Variants in CNTN5 observed in about 807,000 individuals in gnomAD.
CNTN5 encodes contactin-5.
Under a neutral mutation model 129.1 loss-of-function variants are expected in CNTN5, and 77 were observed. The ratio of observed to expected loss-of-function variants is 0.60; its 90% CI spans 0.50 to 0.72. The LOEUF (loss-of-function observed/expected upper bound fraction) is 0.72. Among genes scored for constraint, CNTN5 ranks in the 30% least tolerant of loss-of-function variants. The pLI is 0.00. For missense variants in CNTN5, 1,478 were observed against 1,328.8 expected, an observed-to-expected ratio of 1.11 and a Z score of -1.75; for synonymous variants, 509 against 465.6, an observed-to-expected ratio of 1.09 and a Z score of -1.20.
At chr11:99,751,099 G>A (rs1944218638) in intron 3 of CNTN5, among the ~76,000 whole-genome samples, 1 of 152,190 alleles carries the variant, frequency 6.6e-6, no homozygotes, top group Non-Finnish European at 1.5e-5. Context: ...CACTTTGGGA[G>A]GCTGAGGCAG....
At chr11:99,265,793 T>A (rs1303368562) in intron 1 of CNTN5, among the ~76,000 whole-genome samples, 1 of 152,064 alleles carries the variant, frequency 6.6e-6, no homozygotes, top group Non-Finnish European at 1.5e-5. Flanking sequence ...TTACTATTTA[T>A]TGAATGAAAT....
In CNTN5 at chr11:99,553,639, T is replaced by A. The variant is rs1494468; in HGVS notation, c.-70-2506T>A. Among the ~76,000 whole-genome samples the A allele has an allele frequency of 4.9e-3, 741 of 152,126 alleles. 37 individuals are homozygous for A. The East Asian group carries it at 0.11, about 23-fold the overall frequency. ...CAGATGTCTCATCATAAAAATATGA[T>A]ACGTAAGTGAGGTGATGGATATCTT... On this transcript the variant is annotated intron_variant, in intron 2 of 24. Coordinates refer to ENST00000524871, the MANE Select transcript of CNTN5 (RefSeq NM_014361.4).
intron 3 of CNTN5, among the ~76,000 whole-genome samples, chr11:99,562,483 G>A (rs188290612): frequency 5.9e-5 from 9 of 151,978 alleles, no homozygotes; most frequent in South Asian, 2.1e-4. Context: ...CTCTACATTC[G>A]TTACAAATAA....
intron 6 of CNTN5, among the ~76,000 whole-genome samples, chr11:99,895,939 G>T (rs1006652208): frequency 2.0e-5 from 3 of 152,150 alleles, no homozygotes; most frequent in African/African-American, 7.2e-5. Context: ...TCCATACTGC[G>T]TAAGTCCTTG....
At chr11:99,308,988 G>C (rs1778150642) in intron 1 of CNTN5, among the ~76,000 whole-genome samples, 1 of 151,916 alleles carries the variant, frequency 6.6e-6, no homozygotes, top group Non-Finnish European at 1.5e-5. Flanking sequence ...ATATACATTT[G>C]ATTTTGTATA....
intron 1 of CNTN5, among the ~76,000 whole-genome samples, chr11:99,291,714 G>T (rs1864179062): frequency 6.6e-6 from 1 of 151,994 alleles, no homozygotes; most frequent in African/African-American, 2.4e-5. Flanking sequence ...CTACCAGAAA[G>T]TTCCTACAAC....
intron 4 of CNTN5, among the ~76,000 whole-genome samples, chr11:99,821,503 C>T (rs1022259973): frequency 7.9e-5 from 12 of 152,096 alleles, no homozygotes; most frequent in Admixed American, 2.6e-4. Flanking sequence ...GCACAACTCT[C>T]TGACACTTTG....
chr11:100,212,864 A>G (rs1049464994), intron 15 of CNTN5, among the ~76,000 whole-genome samples: 1 of 152,102 alleles, frequency 6.6e-6, no homozygotes, highest in Admixed American at 6.6e-5. Flanking sequence ...TGCTAGCTCT[A>G]AAATCATATT....
chr11:99,868,767 C>T (rs1367884755), intron 6 of CNTN5, among the ~76,000 whole-genome samples: 2 of 152,076 alleles, frequency 1.3e-5, no homozygotes, highest in South Asian at 2.1e-4. Flanking sequence ...GAGATAAATA[C>T]TATTAGGAAA....
At chr11:99,681,239 A>G (rs770630587) in intron 3 of CNTN5, among the ~76,000 whole-genome samples, 3 of 152,130 alleles carry the variant, frequency 2.0e-5, no homozygotes, top group Non-Finnish European at 4.4e-5. Context: ...TTTAGTTAAT[A>G]AAGCAGTGGT....
chr11:99,987,629 A>G (rs1938778532), intron 8 of CNTN5, among the ~76,000 whole-genome samples: 1 of 151,796 alleles, frequency 6.6e-6, no homozygotes, highest in Admixed American at 6.6e-5. Flanking sequence ...TAGAGAGGAA[A>G]GACTTTACTG....
At chr11:99,727,322 A>AAAAAAAAAAAAAAAAAAAAAAAAAAG (rs1565466265) in intron 3 of CNTN5, among the ~76,000 whole-genome samples, 12 of 126,818 alleles carry the variant, frequency 9.5e-5, no homozygotes, top group East Asian at 2.9e-4. Context: ...CAAAAAAAAA[A>AAAAAAAAAAAAAAAAAAAAAAAAAAG]AAAAAAAAAA....
intron 9 of CNTN5, among the ~76,000 whole-genome samples, chr11:100,054,533 T>C (rs997330497): frequency 6.6e-6 from 1 of 151,782 alleles, no homozygotes; most frequent in African/African-American, 2.4e-5. Context: ...CGTTTCAGAT[T>C]ACCTTTCTAA....
intron 1 of CNTN5, among the ~76,000 whole-genome samples, chr11:99,233,121 T>C (rs1199671585): frequency 6.6e-6 from 1 of 152,216 alleles, no homozygotes; most frequent in Non-Finnish European, 1.5e-5. Flanking sequence ...TCCCTCAGGC[T>C]ACATGGCTGC....
intron 3 of CNTN5, among the ~76,000 whole-genome samples, chr11:99,786,821 A>G (rs946284232): frequency 3.3e-5 from 5 of 152,110 alleles, no homozygotes; most frequent in Non-Finnish European, 5.9e-5. Flanking sequence ...CTGAAACTGG[A>G]CCCCTTCCTT....
chr11:99,100,677 G>A (rs1866688027), intron 1 of CNTN5, among the ~76,000 whole-genome samples: 1 of 152,048 alleles, frequency 6.6e-6, no homozygotes, highest in Non-Finnish European at 1.5e-5. Context: ...TATAAAATAT[G>A]TTGAACAAAG....
At chr11:99,929,168 C>T (rs1458585885) in intron 7 of CNTN5, among the ~76,000 whole-genome samples, 1 of 152,198 alleles carries the variant, frequency 6.6e-6, no homozygotes, top group Non-Finnish European at 1.5e-5. Context: ...CCACCTCAGC[C>T]TGGACTTCAT....
intron 1 of CNTN5, among the ~76,000 whole-genome samples, chr11:99,275,943 C>A (rs940216726): frequency 4.6e-5 from 7 of 151,524 alleles, no homozygotes; most frequent in East Asian, 1.9e-4. Context: ...ATAATTGAAG[C>A]CATATTTGAA....
chr11:99,281,187 AAG>A (rs1464848070), intron 1 of CNTN5, among the ~76,000 whole-genome samples: 2 of 151,966 alleles, frequency 1.3e-5, no homozygotes, highest in African/African-American at 4.8e-5. Flanking sequence ...AGAGAAAGCA[AAG>A]AGAGGGGAAT....
Sources: gnomAD v4.1 joint callset for allele counts (sites outside exome capture counted in the v4.1 genomes callset) on GRCh38, gnomAD v4.1.1 for gene constraint, MANE v1.5 for transcripts, NCBI Gene and HGNC (gene_info 2026-07-23, HGNC 2026-07-21) for gene names.